Variants in ANO2 observed in about 807,000 individuals in gnomAD.
ANO2 encodes the protein anoctamin-2.
In ANO2, 101 loss-of-function variants were observed where a neutral mutation model predicts 124.2. The observed-to-expected ratio is 0.81, with a 90% CI of 0.69 to 0.96. The LOEUF (loss-of-function observed/expected upper bound fraction) is 0.96, where lower values mean the gene tolerates loss of function less well. ANO2 is among the 40% of genes least tolerant of loss of function. The probability of loss-of-function intolerance (pLI) is 0.00; values close to 1 mark genes in which losing one functional copy is unlikely to be tolerated. For synonymous variants in ANO2, 486 were observed against 482.5 expected (o/e 1.01, Z -0.09); for missense variants, 1,293 against 1,274.5 (o/e 1.01, Z -0.22).
intron 10 of ANO2, among the ~76,000 whole-genome samples, chr12:5,797,774 G>A (rs1297518295): frequency 2.0e-5 from 3 of 152,224 alleles, no homozygotes; most frequent in Admixed American, 6.5e-5. Context: ...GACCGTGGGA[G>A]TGTTCCAGGC....
chr12:5,575,156 T>C (rs530964525), intron 23 of ANO2, among the ~76,000 whole-genome samples: 75 of 152,162 alleles, frequency 4.9e-4, no homozygotes, highest in Non-Finnish European at 9.1e-4. Flanking sequence ...GTAATCTCCC[T>C]CTCCTCTGAG....
chr12:5,587,539 A>G (rs1357142370), intron 20 of ANO2, among the ~76,000 whole-genome samples: 5 of 152,058 alleles, frequency 3.3e-5, no homozygotes, highest in Non-Finnish European at 7.4e-5. Context: ...GCGGCAATGG[A>G]GCTTTGAAGC....
intron 3 of ANO2, among the ~76,000 whole-genome samples, chr12:5,912,986 C>A (rs1314019341): frequency 6.6e-6 from 1 of 152,158 alleles, no homozygotes; most frequent in Non-Finnish European, 1.5e-5. Context: ...AGCAACCATC[C>A]CACTCCAGAG....
chr12:5,581,807 C>T (rs1241918640), intron 20 of ANO2, among the ~76,000 whole-genome samples: 1 of 152,184 alleles, frequency 6.6e-6, no homozygotes, highest in African/African-American at 2.4e-5. Flanking sequence ...TGGTGTTACT[C>T]CATGGTATCC....
rs545878757 is a variant in ANO2, at chr12:5,662,936, A to G, written c.1546-15135T>C. On this transcript the variant is annotated intron_variant, in intron 14 of 24. Coordinates refer to ENST00000682330, the MANE Select transcript of ANO2 (RefSeq NM_001364791.2). ...GAACACCCTGAGAGACAAGTTGTCCATTATGTTTCAGGGGAACAGAATCAT... is the reference window on the plus strand; with the variant it reads ...GAACACCCTGAGAGACAAGTTGTCCGTTATGTTTCAGGGGAACAGAATCAT... 2.6e-5 allele frequency among the ~76,000 whole-genome samples: 4 copies of G among 152,344 alleles called. No individual in the cohort carries two copies. In the South Asian group the frequency reaches 8.3e-4, roughly 32 times the overall value.
intron 15 of ANO2, among the ~76,000 whole-genome samples, chr12:5,639,929 G>A (rs1346324010): frequency 6.6e-6 from 1 of 152,192 alleles, no homozygotes; most frequent in Admixed American, 6.5e-5. Flanking sequence ...CAATATCCAA[G>A]TGTAAGAAAA....
chr12:5,850,499 G>A (rs567590985), intron 4 of ANO2, among the ~76,000 whole-genome samples: 2 of 152,052 alleles, frequency 1.3e-5, no homozygotes, highest in East Asian at 1.9e-4. Flanking sequence ...CCCCTGAGTC[G>A]AGTCTGGGAC....
intron 1 of ANO2, among the ~76,000 whole-genome samples, chr12:5,936,472 T>C (rs1942658064): frequency 6.6e-6 from 1 of 152,170 alleles, no homozygotes; most frequent in Non-Finnish European, 1.5e-5. Context: ...AGACCCTCTT[T>C]TTGCCCTTCT....
rs1178850857 is a variant in ANO2, at chr12:5,867,235, C to CTT, written c.535-13096_535-13095dup. Reference sequence around the variant, plus strand: ...ACAAGCTTTCTTCAGCTAAAGAACTCTTTCTCCAAATATTTCAAGGGGCTA... The same window carrying CTT: ...ACAAGCTTTCTTCAGCTAAAGAACTCTTTTTCTCCAAATATTTCAAGGGGCTA... On this transcript the variant is annotated intron_variant, in intron 3 of 24. Transcript: ENST00000682330. 5.3e-5 allele frequency among the ~76,000 whole-genome samples: 8 copies of CTT among 152,348 alleles called. No individual in the cohort carries two copies. In the South Asian group the frequency reaches 1.7e-3, roughly 32 times the overall value.
chr12:5,854,706 C>T (rs931126303), intron 3 of ANO2, among the ~76,000 whole-genome samples: 2 of 152,114 alleles, frequency 1.3e-5, no homozygotes, highest in African/African-American at 4.8e-5. Context: ...ATAATATAAA[C>T]AGGGCTCCTA....
intron 16 of ANO2, among the ~76,000 whole-genome samples, chr12:5,626,102 C>A (rs1429167785): frequency 6.6e-6 from 1 of 152,158 alleles, no homozygotes. Flanking sequence ...AAATCCCCTA[C>A]AGAGCTCTCT....
Position 5,904,016 on chromosome 12 carries a change from G to C in ANO2, c.534+17024C>G, listed in dbSNP as rs2136285151. Among the ~76,000 whole-genome samples the C allele has an allele frequency of 6.6e-6, 1 of 152,202 alleles. No individual in the cohort carries two copies. The highest frequency in any genetic ancestry group is 1.5e-5 in the Non-Finnish European group (1 of 68,012). ...TACATGGGTCATCCTGCATGACCCT[G>C]GGCAATTTCCTGCCTTCTGCTTTCT... On this transcript the variant is annotated intron_variant, in intron 3 of 24. Transcript: ENST00000682330. The surrounding 1 kb of genome is among the most constrained non-coding windows in gnomAD (Gnocchi z 4.1).
intron 20 of ANO2, among the ~76,000 whole-genome samples, chr12:5,578,930 C>T (rs1450020226): frequency 2.0e-5 from 3 of 152,198 alleles, no homozygotes; most frequent in Admixed American, 6.5e-5. Flanking sequence ...TGCCATTATA[C>T]AGTAAAAACA....
At chr12:5,574,141 A>G (rs1212145489) in intron 23 of ANO2, among the ~76,000 whole-genome samples, 1 of 152,208 alleles carries the variant, frequency 6.6e-6, no homozygotes, top group Non-Finnish European at 1.5e-5. Flanking sequence ...TTATTGGTGT[A>G]ATTAACTATT....
chr12:5,922,652 G>A lies in ANO2; in HGVS notation c.175C>T (p.Pro59Ser), dbSNP rs371280202. 6.0e-5 allele frequency: 93 copies of A among 1,554,146 alleles called. No homozygotes were observed. In the South Asian group the frequency reaches 9.5e-4, roughly 16 times the overall value. ...CTGCGGGTGCTCTCTCCACCGCAGG[G>A]CTGGCCAGGATCTCTGTTGGAACCG... is the stretch of plus-strand genomic sequence containing the variant. ...QGGSNRDPGQ[P>S]CGGESTRSSS... The change falls in exon 2 of 25, where the codon CCC (proline) becomes TCC (serine). Residue 59 changes from proline to serine, a missense_variant. Physicochemically the swap from Pro to Ser is moderately conservative, Grantham distance 74. Transcript: ENST00000682330.
intron 10 of ANO2, among the ~76,000 whole-genome samples, chr12:5,799,221 G>A (rs1301669765): frequency 6.6e-6 from 1 of 152,206 alleles, no homozygotes; most frequent in East Asian, 1.9e-4. Context: ...ACAGCTCCAT[G>A]CACCCCTCCC....
At chr12:5,626,418 G>A (rs1945407669) in intron 16 of ANO2, among the ~76,000 whole-genome samples, 1 of 152,128 alleles carries the variant, frequency 6.6e-6, no homozygotes, top group African/African-American at 2.4e-5. Context: ...GTCCTCCCTG[G>A]AAGAGCCCAT....
At chr12:5,626,340 G>A (rs1306635512) in intron 16 of ANO2, among the ~76,000 whole-genome samples, 1 of 152,124 alleles carries the variant, frequency 6.6e-6, no homozygotes, top group Non-Finnish European at 1.5e-5. Context: ...GGTAACATAT[G>A]TGTCCTAGAA....
chr12:5,853,625 T>C (rs1954992612), intron 4 of ANO2, among the ~76,000 whole-genome samples: 1 of 152,106 alleles, frequency 6.6e-6, no homozygotes, highest in Non-Finnish European at 1.5e-5. Flanking sequence ...AGAATAGGTT[T>C]CTCCACAGCA....
Sources: allele counts gnomAD v4.1 joint callset (sites outside exome capture counted in the v4.1 genomes callset), GRCh38; gene constraint gnomAD v4.1.1; non-coding constraint Gnocchi (gnomAD v3.1); transcripts MANE v1.5; gene names NCBI Gene and HGNC (gene_info 2026-07-23, HGNC 2026-07-21).